SH3RF2: variants seen among roughly 807,000 people sequenced by gnomAD.
SH3RF2 encodes the protein E3 ubiquitin-protein ligase SH3RF2.
Under a neutral mutation model 59.0 loss-of-function variants are expected in SH3RF2, and 43 were observed. The observed-to-expected ratio is 0.73, with a 90% CI of 0.57 to 0.94. SH3RF2 has a LOEUF of 0.94. SH3RF2 is among the 40% of genes least tolerant of loss of function. SH3RF2 has a pLI of 0.00. For synonymous variants in SH3RF2, 391 were observed against 391.5 expected (o/e 1.00, Z 0.01); for missense variants, 930 against 940.1 (o/e 0.99, Z 0.14).
downstream of SH3RF2, among the ~76,000 whole-genome samples, chr5:146,067,959 T>C (rs370160696): frequency 1.7e-4 from 26 of 152,312 alleles, no homozygotes; most frequent in South Asian, 5.4e-3. Flanking sequence ...TGGAGTACAG[T>C]GTAGGACCCA....
At chr5:146,031,818 C>T (rs1209892029) in intron 5 of SH3RF2, among the ~76,000 whole-genome samples, 2 of 152,262 alleles carry the variant, frequency 1.3e-5, no homozygotes, top group East Asian at 3.9e-4. Flanking sequence ...AGGCAGCCAC[C>T]ATCCAAGACT....
At chr5:145,957,021 A>C (rs1758440573) in intron 2 of SH3RF2, among the ~76,000 whole-genome samples, 3 of 152,254 alleles carry the variant, frequency 2.0e-5, no homozygotes, top group Non-Finnish European at 4.4e-5. Flanking sequence ...TGAGTTAATC[A>C]AATGAAATTA....
chr5:145,938,334 A>G (rs768508115), intron 2 of SH3RF2, 28 bp downstream of exon 2: 9 of 1,507,248 alleles, frequency 6.0e-6, no homozygotes, highest in Non-Finnish European at 6.2e-6. Context: ...TGCTAATATC[A>G]TGTCCACATA....
At chr5:145,986,901 CT>C (rs1759729522) in intron 2 of SH3RF2, among the ~76,000 whole-genome samples, 1 of 152,176 alleles carries the variant, frequency 6.6e-6, no homozygotes, top group South Asian at 2.1e-4. Context: ...ACTTCCTTCC[CT>C]TTTCCCTGCT....
At chr5:146,029,218 G>T (rs957260295) in intron 5 of SH3RF2, among the ~76,000 whole-genome samples, 2 of 152,178 alleles carry the variant, frequency 1.3e-5, no homozygotes, top group African/African-American at 4.8e-5. Flanking sequence ...ACTCAGAGAG[G>T]CTAAGTATCT....
intron 2 of SH3RF2, among the ~76,000 whole-genome samples, chr5:145,944,176 A>G (rs1304945697): frequency 6.6e-6 from 1 of 152,174 alleles, no homozygotes; most frequent in East Asian, 1.9e-4. Context: ...GGAAGTGTTC[A>G]TCAAAGCATT....
rs58571831 is a variant in SH3RF2, at chr5:145,997,327, C to G, written c.379-2731C>G. 3,099 of 1,121,084 alleles carry G rather than the reference C, an allele frequency of 2.8e-3. 65 individuals carry two copies. In the African/African-American group the frequency reaches 0.04, roughly 15 times the overall value. The allele number at this position is 1,121,084 out of a possible 1,614,324, so 69.4% of individuals were successfully genotyped here. On this transcript the variant is annotated intron_variant, in intron 2 of 9. Coordinates refer to ENST00000359120, the MANE Select transcript of SH3RF2 (RefSeq NM_152550.4). The stretch of plus-strand genomic sequence containing the variant: ...CAGCTAGTGAAACCAGAGCAGCTCC[C>G]CGTATATACTGCACCACCGCTCCAG...
intron 8 of SH3RF2, among the ~76,000 whole-genome samples, chr5:146,057,993 T>C (rs2150020884): frequency 6.6e-6 from 1 of 150,676 alleles, no homozygotes; most frequent in East Asian, 2.0e-4. Context: ...TCTATATATA[T>C]ATATTTGATT....
intron 2 of SH3RF2, among the ~76,000 whole-genome samples, chr5:145,967,312 T>C (rs796399607): frequency 2.0e-5 from 3 of 152,260 alleles, no homozygotes; most frequent in African/African-American, 7.2e-5. Flanking sequence ...CCTGCCCTAG[T>C]CAGTCTCTGA....
chr5:146,066,282 G>A (rs184767267), downstream of SH3RF2, among the ~76,000 whole-genome samples: 405 of 152,292 alleles, frequency 2.7e-3, 5 homozygotes, highest in African/African-American at 9.4e-3. Context: ...GCTCGGCTGC[G>A]CACAAATACA....
chr5:145,948,631 CAGTGTT>C (rs1455749307), intron 2 of SH3RF2, among the ~76,000 whole-genome samples: 1 of 152,204 alleles, frequency 6.6e-6, no homozygotes, highest in Non-Finnish European at 1.5e-5. Context: ...GACAAACTGC[CAGTGTT>C]AGAGAAGGCA....
chr5:145,976,247 T>C (rs1759289254), intron 2 of SH3RF2, among the ~76,000 whole-genome samples: 1 of 152,152 alleles, frequency 6.6e-6, no homozygotes, highest in South Asian at 2.1e-4. Context: ...TGTGTGACCT[T>C]AGGCAGGTTA....
intron 2 of SH3RF2, among the ~76,000 whole-genome samples, chr5:145,951,741 T>G (rs574730812): frequency 6.6e-6 from 1 of 152,296 alleles, no homozygotes; most frequent in African/African-American, 2.4e-5. Context: ...CATCTGCCAC[T>G]CTTTGAAGGC....
chr5:146,077,215 G>C (rs1763355866), intron 9 of SH3RF2, among the ~76,000 whole-genome samples: 1 of 152,150 alleles, frequency 6.6e-6, no homozygotes, highest in Non-Finnish European at 1.5e-5. Context: ...CTGCCAGAGA[G>C]GTTTGGCTGC....
chr5:146,024,253 A>C (rs1761443646), intron 5 of SH3RF2, among the ~76,000 whole-genome samples: 1 of 152,142 alleles, frequency 6.6e-6, no homozygotes, highest in Admixed American at 6.5e-5. Flanking sequence ...TTTTATTATC[A>C]ATCTTTTTTA....
chr5:146,047,625 C>G, intron 5 of SH3RF2, 147 bp from the exon 6 acceptor site: 1 of 715,136 alleles, frequency 1.4e-6, no homozygotes, highest in South Asian at 1.8e-5. Context: ...CAGCCACAAA[C>G]CACAGAGAGG....
downstream of SH3RF2, among the ~76,000 whole-genome samples, chr5:146,066,931 A>T (rs1414486364): frequency 6.6e-6 from 1 of 152,118 alleles, no homozygotes; most frequent in African/African-American, 2.4e-5. Context: ...GAAAAGTGCT[A>T]AGAGTAGGAT....
At chr5:145,995,412 C>T (rs1014018823) in intron 2 of SH3RF2, among the ~76,000 whole-genome samples, 8 of 152,112 alleles carry the variant, frequency 5.3e-5, no homozygotes, top group African/African-American at 1.4e-4. Flanking sequence ...TACCCAACCC[C>T]GGGGGTCTAA....
At chr5:145,959,630 TG>T (rs1758553025) in intron 2 of SH3RF2, among the ~76,000 whole-genome samples, 2 of 150,412 alleles carry the variant, frequency 1.3e-5, no homozygotes, top group Admixed American at 6.6e-5. Flanking sequence ...TGTGTGTGTG[TG>T]TGTGTGTGTG....
Sources: allele counts gnomAD v4.1 joint callset (sites outside exome capture counted in the v4.1 genomes callset), GRCh38; gene constraint gnomAD v4.1.1; transcripts MANE v1.5; gene names NCBI Gene and HGNC (gene_info 2026-07-23, HGNC 2026-07-21).